The following VOPP1 variants were observed in gnomAD, a reference collection of about 807,000 sequenced individuals.
VOPP1 encodes the protein WW domain binding protein VOPP1.
VOPP1 carries 8 observed loss-of-function variants against 23.5 expected under a neutral mutation model. The observed-to-expected ratio is 0.34, with a 90% CI of 0.20 to 0.61. The LOEUF is 0.61. VOPP1 is among the 20% of genes least tolerant of loss of function. The pLI, the probability that VOPP1 is intolerant of heterozygous loss-of-function variation, is 0.78. For missense variants in VOPP1, 174 were observed against 238.1 expected (o/e 0.73, Z 1.77); for synonymous variants, 83 against 97.3 (o/e 0.85, Z 0.86).
intron 2 of VOPP1, among the ~76,000 whole-genome samples, chr7:55,513,239 A>G (rs1443671087): frequency 2.0e-5 from 3 of 151,960 alleles, no homozygotes; most frequent in African/African-American, 4.8e-5. Context: ...CTAACTTCCC[A>G]TCATCCCTAC....
intron 2 of VOPP1, among the ~76,000 whole-genome samples, chr7:55,502,555 T>C (rs1583941522): frequency 6.6e-6 from 1 of 152,228 alleles, no homozygotes; most frequent in African/African-American, 2.4e-5. Context: ...GTGCTGACAC[T>C]GTTACCCCTT....
intron 1 of VOPP1, among the ~76,000 whole-genome samples, chr7:55,528,648 T>G (rs1796323119): frequency 6.6e-6 from 1 of 150,720 alleles, no homozygotes; most frequent in Non-Finnish European, 1.5e-5. Context: ...ATCGCACTAC[T>G]GCACTCCGGC....
At chr7:55,462,757 G>A (rs1222317070) in intron 4 of VOPP1, among the ~76,000 whole-genome samples, 5 of 148,914 alleles carry the variant, frequency 3.4e-5, no homozygotes, top group Non-Finnish European at 7.4e-5. Context: ...CCGGGTTCAC[G>A]CCATTCTCCT....
At chr7:55,537,401 G>A in intron 1 of VOPP1, 3 of 1,480,084 alleles carry the variant, frequency 2.0e-6, no homozygotes, top group Non-Finnish European at 2.7e-6. Flanking sequence ...GCCTTCTGGA[G>A]GTAACACATA....
intron 1 of VOPP1, chr7:55,521,727 CACAGGGCAGGGCAGGGCAGG>C (rs891027248): frequency 2.1e-4 from 207 of 975,656 alleles, no homozygotes; most frequent in Non-Finnish European, 2.3e-4. Flanking sequence ...GGCCCAGCCC[CACAGGGCAGGGCAGGGCAGG>C]GCAGGGCAGG....
intron 1 of VOPP1, among the ~76,000 whole-genome samples, chr7:55,527,278 T>A (rs1346266595): frequency 6.6e-6 from 1 of 152,320 alleles, no homozygotes; most frequent in African/African-American, 2.4e-5. Context: ...GAATGTCTTA[T>A]CTCCAAGAAA....
chr7:55,495,296 C>G (rs1246624146), intron 3 of VOPP1, among the ~76,000 whole-genome samples: 1 of 152,198 alleles, frequency 6.6e-6, no homozygotes, highest in East Asian at 1.9e-4. Context: ...AAAAGATCCT[C>G]AAGATCTTGG....
chr7:55,442,946 C>T (rs966030510), intron 4 of VOPP1, among the ~76,000 whole-genome samples: 4 of 151,886 alleles, frequency 2.6e-5, no homozygotes, highest in African/African-American at 4.8e-5. Flanking sequence ...GAAACCCCGT[C>T]TCTACTAAAC....
At chr7:55,486,081 G>A (rs866265067) in intron 4 of VOPP1, among the ~76,000 whole-genome samples, 1 of 152,186 alleles carries the variant, frequency 6.6e-6, no homozygotes, top group East Asian at 1.9e-4. Context: ...GGACCACGAC[G>A]GGCCAGAGGC....
At chr7:55,540,841 T>A (rs978466204) in intron 1 of VOPP1, among the ~76,000 whole-genome samples, 2 of 152,192 alleles carry the variant, frequency 1.3e-5, no homozygotes, top group African/African-American at 4.8e-5. Flanking sequence ...TATTTTTATG[T>A]CTGGCTTAGA....
intron 4 of VOPP1, among the ~76,000 whole-genome samples, chr7:55,452,257 T>A (rs897999415): frequency 2.0e-5 from 3 of 152,166 alleles, no homozygotes. Flanking sequence ...TACCATGAGA[T>A]TGTAGCAATT....
At chr7:55,456,910 G>C (rs1464812417) in intron 4 of VOPP1, among the ~76,000 whole-genome samples, 1 of 152,026 alleles carries the variant, frequency 6.6e-6, no homozygotes, top group Non-Finnish European at 1.5e-5. Context: ...TGACAAACCT[G>C]CACGTTCTGC....
chr7:55,550,722 G>T (rs1159409450), intron 1 of VOPP1, among the ~76,000 whole-genome samples: 3 of 152,176 alleles, frequency 2.0e-5, no homozygotes, highest in Non-Finnish European at 2.9e-5. Context: ...TAACGGAATG[G>T]AAATGCTCGT....
chr7:55,536,348 G>A (rs1168031211), intron 1 of VOPP1, among the ~76,000 whole-genome samples: 1 of 152,150 alleles, frequency 6.6e-6, no homozygotes, highest in Non-Finnish European at 1.5e-5. Context: ...GGCCAACATG[G>A]TGAAACCCCG....
At chr7:55,567,671 C>A (rs567163587) in intron 1 of VOPP1, among the ~76,000 whole-genome samples, 1 of 152,344 alleles carries the variant, frequency 6.6e-6, no homozygotes, top group Non-Finnish European at 1.5e-5. Context: ...CCCAGGCTTT[C>A]CCCACTTCAG....
At chr7:55,509,495 A>T (rs1392825712) in intron 2 of VOPP1, among the ~76,000 whole-genome samples, 3 of 152,212 alleles carry the variant, frequency 2.0e-5, no homozygotes, top group African/African-American at 7.2e-5. Context: ...TCATGACTTA[A>T]GTCACTTCCC....
At chr7:55,482,581 C>G (rs547739405) in intron 4 of VOPP1, among the ~76,000 whole-genome samples, 19 of 151,386 alleles carry the variant, frequency 1.3e-4, no homozygotes, top group Admixed American at 1.3e-3. Flanking sequence ...CCTCATGATC[C>G]GCCTGCCTCA....
chr7:55,455,384 A>T, intron 4 of VOPP1, among the ~76,000 whole-genome samples: 1 of 152,236 alleles, frequency 6.6e-6, no homozygotes, highest in Non-Finnish European at 1.5e-5. Context: ...GCCCAAAGTA[A>T]TTTATAGATT....
chr7:55,483,121 T>C (rs559793707), intron 4 of VOPP1, among the ~76,000 whole-genome samples: 2 of 152,254 alleles, frequency 1.3e-5, no homozygotes, highest in African/African-American at 4.8e-5. Context: ...TGTATGACTG[T>C]GGCCAGCACA....
Sources: allele counts gnomAD v4.1 joint callset (sites outside exome capture counted in the v4.1 genomes callset), GRCh38; gene constraint gnomAD v4.1.1; transcripts MANE v1.5; gene names NCBI Gene and HGNC (gene_info 2026-07-23, HGNC 2026-07-21).